MTMR3: variants seen among roughly 807,000 people sequenced by gnomAD.
The protein encoded by MTMR3 is phosphatidylinositol-3,5-bisphosphate 3-phosphatase MTMR3.
A neutral mutation model predicts 132.4 loss-of-function variants in MTMR3; 32 were observed. That is an observed-to-expected ratio of 0.24 (90% confidence interval 0.18 to 0.32). The LOEUF is 0.32. Among genes scored for constraint, MTMR3 ranks in the 10% least tolerant of loss-of-function variants. MTMR3 has a pLI of 1.00. For missense variants in MTMR3, 1,216 were observed against 1,489.6 expected, an observed-to-expected ratio of 0.82 and a Z score of 3.02; for synonymous variants, 556 against 550.3, an observed-to-expected ratio of 1.01 and a Z score of -0.14.
At chr22:29,994,485 G>C (rs2067023605) in intron 7 of MTMR3, 1 of 151,032 alleles carries the variant, frequency 6.6e-6, no homozygotes, top group South Asian at 2.1e-4. Flanking sequence ...GGTGTATATA[G>C]CATTACTCAT....
rs556333458 is a variant in MTMR3 at position 29,925,886 on chromosome 22, G to C, written c.-137-31150G>C. ...GCTGAGATCAAGCCACTGCACTCCA[G>C]CCTGAACCACAGAACAAGACTCGGT... On this transcript the variant is annotated intron_variant, in intron 1 of 19. Transcript: ENST00000401950. Among the ~76,000 whole-genome samples the C allele has an allele frequency of 3.9e-5, 6 of 152,242 alleles. No homozygotes were observed. In the East Asian group the frequency reaches 1.2e-3, roughly 29 times the overall value.
intron 1 of MTMR3, among the ~76,000 whole-genome samples, chr22:29,891,308 CGT>C (rs58714528): frequency 0.14 from 20,111 of 148,760 alleles, 1,505 homozygotes; most frequent in South Asian, 0.25. Context: ...TATGCGTGTG[CGT>C]GTGTGTATGT....
At chr22:29,909,670 T>G (rs1234408932) in intron 1 of MTMR3, among the ~76,000 whole-genome samples, 2 of 152,196 alleles carry the variant, frequency 1.3e-5, no homozygotes, top group African/African-American at 4.8e-5. Flanking sequence ...TCCCCTCCAT[T>G]AATTGTAACT....
intron 2 of MTMR3, 128 bp from the exon 3 acceptor site, chr22:29,970,848 A>G (rs1018406227): frequency 7.2e-6 from 3 of 418,426 alleles, no homozygotes; most frequent in African/African-American, 2.1e-5. Context: ...GACTCTGATC[A>G]GCTTCTTAGG....
chr22:29,959,460 C>T (rs1362676317), intron 2 of MTMR3, among the ~76,000 whole-genome samples: 2 of 152,130 alleles, frequency 1.3e-5, no homozygotes, highest in African/African-American at 4.8e-5. Flanking sequence ...CTCACTGCAG[C>T]CTCCACCTGC....
chr22:29,930,782 C>T (rs189956995), intron 1 of MTMR3, among the ~76,000 whole-genome samples: 16 of 152,026 alleles, frequency 1.1e-4, no homozygotes, highest in African/African-American at 3.9e-4. Flanking sequence ...AAGAGGATTG[C>T]TTGAGCCCAG....
chr22:30,028,262 G>A lies in MTMR3; in HGVS notation c.*2461G>A, dbSNP rs1041637646. 10 of 152,432 alleles carry A rather than the reference G, an allele frequency of 6.6e-5. No individual in the cohort carries two copies. The highest frequency in any genetic ancestry group is 2.4e-4 in the African/African-American group (10 of 41,454). 9.4% of individuals were successfully genotyped at this position (152,432 alleles called of 1,614,324 possible). ...GTCGGGGAGTGGAAGGAGATGTGGG[G>A]TGGGGGTGAGAAAATGCTTCTGCCT... is the stretch of plus-strand genomic sequence containing the variant. On this transcript the variant is annotated 3_prime_UTR_variant, in exon 20 of 20. Transcript: ENST00000401950.
At chr22:29,890,409 T>TG (rs1393533426) in intron 1 of MTMR3, among the ~76,000 whole-genome samples, 1 of 151,790 alleles carries the variant, frequency 6.6e-6, no homozygotes, top group Admixed American at 6.6e-5. Context: ...TCCAGCTACT[T>TG]GGAAGGCTGA....
chr22:30,016,460 CAGCTG>C, intron 14 of MTMR3, 63 bp from the exon 15 acceptor site: 1 of 1,544,838 alleles, frequency 6.5e-7, no homozygotes, highest in Middle Eastern at 1.8e-4. Flanking sequence ...TAAGGTGGCT[CAGCTG>C]AGCTGACTTA....
intron 7 of MTMR3, 72 bp from the exon 8 acceptor site, chr22:29,998,689 T>G: frequency 1.1e-6 from 1 of 927,528 alleles, no homozygotes; most frequent in Non-Finnish European, 1.6e-6. Context: ...GTATATTTCT[T>G]TGTTTTTATT....
chr22:29,963,043 C>T (rs1335941434), intron 2 of MTMR3, among the ~76,000 whole-genome samples: 1 of 151,896 alleles, frequency 6.6e-6, no homozygotes, highest in Admixed American at 6.6e-5. Context: ...CTTTCAGCCT[C>T]CCGAGTAGCT....
intron 3 of MTMR3, among the ~76,000 whole-genome samples, chr22:29,976,889 A>G (rs1479650967): frequency 6.6e-6 from 1 of 152,182 alleles, no homozygotes; most frequent in African/African-American, 2.4e-5. Context: ...AAGACTTACA[A>G]AATTATTGGA....
At chr22:29,942,843 AAC>A (rs1459902989) in intron 1 of MTMR3, among the ~76,000 whole-genome samples, 1 of 152,202 alleles carries the variant, frequency 6.6e-6, no homozygotes, top group Admixed American at 6.5e-5. Context: ...ATATTGTTCA[AAC>A]ACACATGCTC....
At chr22:29,953,020 C>G (rs2066114162) in intron 1 of MTMR3, among the ~76,000 whole-genome samples, 1 of 152,124 alleles carries the variant, frequency 6.6e-6, no homozygotes. Context: ...TTTTAAAATA[C>G]TGCCTCTACA....
rs1490917975 is a variant in MTMR3, at chr22:30,008,144, A to T, written c.1009+112A>T. 5.0e-6 allele frequency: 7 copies of T among 1,402,166 alleles called. No individual in the cohort carries two copies. The African/African-American group carries it at 1.0e-4, about 20-fold the overall frequency. The allele number at this position is 1,402,166 out of a possible 1,614,324, so 86.9% of individuals were successfully genotyped here. The stretch of plus-strand genomic sequence containing the variant: ...AAGTGGCAAGCCATATTCCTCATCC[A>T]TCCTGTCGTGAGAGTGCCAGAGCTT... On this transcript the variant is annotated intron_variant, in intron 11 of 19. Transcript: ENST00000401950.
At chr22:30,023,702 G>T (rs1310197926) in intron 19 of MTMR3, 8 of 560,998 alleles carry the variant, frequency 1.4e-5, no homozygotes, top group Non-Finnish European at 2.2e-5. Context: ...TGATCACAGA[G>T]GTCAGCCAGG....
rs144215374 is a variant in MTMR3 at position 29,968,687 on chromosome 22, C to T, written c.-84-2289C>T. On this transcript the variant is annotated intron_variant, in intron 2 of 19. Transcript: ENST00000401950. ...TTTCTTTGTTTCTAATGAGAAAGAC[C>T]AACAATAAAATCAAGTTCCATGAAT... 3.8e-3 allele frequency among the ~76,000 whole-genome samples: 578 copies of T among 152,196 alleles called. 1 individual carries two copies. The highest frequency in any genetic ancestry group is 6.3e-3 in the Non-Finnish European group (428 of 67,998).
At chr22:29,958,640 G>A (rs757479460) in intron 2 of MTMR3, among the ~76,000 whole-genome samples, 5 of 151,832 alleles carry the variant, frequency 3.3e-5, no homozygotes, top group Non-Finnish European at 7.3e-5. Flanking sequence ...TTCCTTAAGT[G>A]CCCAGCTCAG....
chr22:29,915,264 C>G (rs2065286534), intron 1 of MTMR3, among the ~76,000 whole-genome samples: 1 of 152,204 alleles, frequency 6.6e-6, no homozygotes, highest in Non-Finnish European at 1.5e-5. Flanking sequence ...GCTACTTTAA[C>G]ATGAATATAA....
Sources: allele counts gnomAD v4.1 joint callset (sites outside exome capture counted in the v4.1 genomes callset), GRCh38; gene constraint gnomAD v4.1.1; transcripts MANE v1.5; gene names NCBI Gene and HGNC (gene_info 2026-07-23, HGNC 2026-07-21).